The following SLC38A4 variants were observed in gnomAD, a reference collection of about 807,000 sequenced individuals.
SLC38A4 encodes the protein solute carrier family 38 member 4, also known as sodium-coupled neutral amino acid transporter 4.
A neutral mutation model predicts 63.1 loss-of-function variants in SLC38A4; 20 were observed. That is an observed-to-expected ratio of 0.32 (90% CI 0.22 to 0.46). The LOEUF (loss-of-function observed/expected upper bound fraction) is 0.46, where lower values mean the gene tolerates loss of function less well. Among genes scored for constraint, SLC38A4 ranks in the 20% least tolerant of loss-of-function variants. The probability of loss-of-function intolerance (pLI) is 1.00; values close to 1 mark genes in which losing one functional copy is unlikely to be tolerated. For missense variants in SLC38A4, 526 were observed against 663.6 expected, an observed-to-expected ratio of 0.79 and a Z score of 2.28; for synonymous variants, 230 against 225.5, an observed-to-expected ratio of 1.02 and a Z score of -0.18.
In SLC38A4 at chr12:46,783,020, A is replaced by ATGTGTGTGTGTGTGTGTGTG. The variant is rs71437771; in HGVS notation, c.493+1502_493+1521dup. Among the ~76,000 whole-genome samples, 11 of 103,764 alleles carry ATGTGTGTGTGTGTGTGTGTG rather than the reference A, an allele frequency of 1.1e-4. 1 individual carries two copies. Among genetic ancestry groups the ATGTGTGTGTGTGTGTGTGTG allele is most frequent in the South Asian group, 7.7e-4 (2 of 2,610 alleles). The allele number at this position is 103,764 out of a possible 152,430, so 68.1% of individuals were successfully genotyped here. A position where few individuals can be genotyped will look rare whatever the true frequency, so the allele number is the denominator to read the frequency against. ...CCAGGTGAGCAGAGTGAGAGAGAAA[A>ATGTGTGTGTGTGTGTGTGTG]TGTGTGTGTGTGTGTGTGTGTGTGT... On this transcript the variant is annotated intron_variant, in intron 7 of 16. Coordinates refer to ENST00000266579, the MANE Select transcript of SLC38A4 (RefSeq NM_018018.5).
chr12:46,815,262 TATATATATATATATATATATATACAC>T (rs1335370060), intron 1 of SLC38A4, among the ~76,000 whole-genome samples: 36 of 117,868 alleles, frequency 3.1e-4, no homozygotes, highest in East Asian at 8.9e-4. Flanking sequence ...TATATATATA[TATATATATATATATATATATATACAC>T]ACACACACAC....
chr12:46,779,981 G>A lies in SLC38A4; in HGVS notation c.543C>T (p.Ile181=). 6.2e-7 allele frequency: 1 copy of A among 1,612,422 alleles called. No homozygotes were observed. The part of the protein sequence containing the change: ...FIIKYELPEV[I]RAFMGLEENT... ...TTTCTTCAAGTCCCATGAATGCTCT[G>A]ATTACTTCAGGTAGTTCATATTTAA... The change falls in exon 8 of 17, where the codon ATC becomes ATT. Residue 181 remains isoleucine (I), a synonymous_variant. Transcript: ENST00000266579.
At chr12:46,802,883 C>T (rs764141493) in intron 2 of SLC38A4, among the ~76,000 whole-genome samples, 13 of 151,970 alleles carry the variant, frequency 8.6e-5, no homozygotes, top group Non-Finnish European at 1.8e-4. Context: ...TGGGAATTCT[C>T]CTCTGTCTGA....
At chr12:46,791,873 C>T (rs951481121) in intron 3 of SLC38A4, among the ~76,000 whole-genome samples, 8 of 151,870 alleles carry the variant, frequency 5.3e-5, no homozygotes, top group African/African-American at 1.2e-4. Flanking sequence ...GGTGTCAACA[C>T]GGAGAAAGGG....
At chr12:46,787,361 C>T (rs952236829) in intron 5 of SLC38A4, among the ~76,000 whole-genome samples, 3 of 151,932 alleles carry the variant, frequency 2.0e-5, no homozygotes, top group Non-Finnish European at 4.4e-5. Context: ...GGTGATTTGC[C>T]CCAGTCATGG....
At chr12:46,821,534 A>G (rs563160551) in intron 1 of SLC38A4, among the ~76,000 whole-genome samples, 2 of 152,166 alleles carry the variant, frequency 1.3e-5, no homozygotes, top group East Asian at 1.9e-4. Context: ...TCTTTATGCC[A>G]ATACCATACA....
At chr12:46,791,214 T>C (rs1419774089) in intron 3 of SLC38A4, among the ~76,000 whole-genome samples, 2 of 152,196 alleles carry the variant, frequency 1.3e-5, no homozygotes, top group Non-Finnish European at 2.9e-5. Flanking sequence ...TAAAAAAGTA[T>C]TGAATGTCAT....
intron 1 of SLC38A4, among the ~76,000 whole-genome samples, chr12:46,831,512 C>T (rs112009300): frequency 4.5e-4 from 68 of 152,336 alleles, no homozygotes; most frequent in African/African-American, 1.6e-3. Context: ...CGCAGCAGGC[C>T]GGGCAATCCG....
At chr12:46,779,012 C>T (rs531802250) in intron 10 of SLC38A4, among the ~76,000 whole-genome samples, 4 of 152,040 alleles carry the variant, frequency 2.6e-5, no homozygotes, top group South Asian at 4.1e-4. Flanking sequence ...AAGAATCCTT[C>T]CCACCCTCTT....
In SLC38A4 at chr12:46,766,635, T is replaced by G; in HGVS notation, c.*66A>C. 2 of 1,070,826 alleles carry G rather than the reference T, an allele frequency of 1.9e-6. No individual in the cohort carries two copies. The highest frequency in any genetic ancestry group is 2.7e-5 in the South Asian group (2 of 75,132). The allele number at this position is 1,070,826 out of a possible 1,614,324, so 66.3% of individuals were successfully genotyped here. On this transcript the variant is annotated 3_prime_UTR_variant, in exon 17 of 17. Transcript: ENST00000266579. ...TGAATAACATTCCAATCAAGATAATTCAAATATCTTTTGGAGTATAACTTG... is the reference window on the plus strand; with the variant it reads ...TGAATAACATTCCAATCAAGATAATGCAAATATCTTTTGGAGTATAACTTG...
chr12:46,823,805 C>A (rs1213680308), intron 1 of SLC38A4, among the ~76,000 whole-genome samples: 2 of 152,162 alleles, frequency 1.3e-5, no homozygotes, highest in Non-Finnish European at 2.9e-5. Flanking sequence ...AGGGATTTAG[C>A]CTAAGCCTTC....
chr12:46,790,644 A>G (rs1157361699), intron 3 of SLC38A4, among the ~76,000 whole-genome samples: 2 of 152,160 alleles, frequency 1.3e-5, no homozygotes, highest in African/African-American at 4.8e-5. Flanking sequence ...AGTTTTTAAA[A>G]TTGAGAATTT....
chr12:46,829,031 G>A (rs778703372), upstream of SLC38A4, among the ~76,000 whole-genome samples: 2 of 152,170 alleles, frequency 1.3e-5, no homozygotes, highest in East Asian at 1.9e-4. Flanking sequence ...ACAAGCAGGA[G>A]CTTTTGCATA....
At chr12:46,779,326 A>T (rs1295645631) in intron 10 of SLC38A4, among the ~76,000 whole-genome samples, 2 of 151,830 alleles carry the variant, frequency 1.3e-5, no homozygotes, top group East Asian at 3.9e-4. Flanking sequence ...TGCTGTTCTA[A>T]ATGCCAGATT....
intron 5 of SLC38A4, 33 bp downstream of exon 5, chr12:46,787,883 C>A (rs1205771686): frequency 6.6e-7 from 1 of 1,511,106 alleles, no homozygotes; most frequent in East Asian, 2.3e-5. Context: ...GCATGGACTT[C>A]ATCACCAAAT....
chr12:46,796,752 CCTTGAGGTTT>C (rs5797999), intron 2 of SLC38A4, among the ~76,000 whole-genome samples: 96,916 of 151,524 alleles, frequency 0.64, 34,572 homozygotes, highest in Non-Finnish European at 0.8. Context: ...TAGCATCCTC[CCTTGAGGTTT>C]CTTTACAGAT....
chr12:46,785,055 C>T, intron 6 of SLC38A4, 49 bp downstream of exon 6: 1 of 1,406,354 alleles, frequency 7.1e-7, no homozygotes, highest in South Asian at 1.2e-5. Flanking sequence ...CTGAAATACT[C>T]TTTTATGAGA....
intron 1 of SLC38A4, among the ~76,000 whole-genome samples, chr12:46,809,494 A>G (rs994080022): frequency 6.6e-6 from 1 of 152,152 alleles, no homozygotes; most frequent in South Asian, 2.1e-4. Context: ...CTGGACTCCA[A>G]GCAACTCCCA....
At chr12:46,800,282 C>T (rs780172670) in intron 2 of SLC38A4, among the ~76,000 whole-genome samples, 9 of 152,174 alleles carry the variant, frequency 5.9e-5, no homozygotes, top group Middle Eastern at 3.4e-3. Flanking sequence ...CAAACGACTG[C>T]GCTACTGAAG....
Sources: allele counts gnomAD v4.1 joint callset (sites outside exome capture counted in the v4.1 genomes callset), GRCh38; gene constraint gnomAD v4.1.1; transcripts MANE v1.5; gene names NCBI Gene and HGNC (gene_info 2026-07-23, HGNC 2026-07-21).